SRPK1: variants seen among roughly 807,000 people sequenced by gnomAD.
The protein encoded by SRPK1 is SFRS protein kinase 1.
Under a neutral mutation model 89.5 loss-of-function variants are expected in SRPK1, and 52 were observed. That is an observed-to-expected ratio of 0.58 (90% CI 0.46 to 0.73). The LOEUF (loss-of-function observed/expected upper bound fraction) is 0.73, where lower values mean the gene tolerates loss of function less well. Ranked by LOEUF, SRPK1 falls within the 30% of genes least tolerant of loss-of-function variation. The pLI is 0.00. For missense variants in SRPK1, 603 were observed against 780.6 expected, an observed-to-expected ratio of 0.77 and a Z score of 2.71; for synonymous variants, 255 against 270.2, an observed-to-expected ratio of 0.94 and a Z score of 0.55.
intron 13 of SRPK1, among the ~76,000 whole-genome samples, chr6:35,843,407 T>C (rs896469755): frequency 6.6e-6 from 1 of 152,118 alleles, no homozygotes; most frequent in Admixed American, 6.6e-5. Context: ...AACTTTTGCA[T>C]AGGAAGTACT....
intron 1 of SRPK1, 27 bp downstream of exon 1, chr6:35,921,017 C>A (rs765238164): frequency 7.0e-5 from 108 of 1,540,668 alleles, no homozygotes; most frequent in Non-Finnish European, 8.6e-5. Context: ...CATTGCCCCT[C>A]GTGGCGGAGG....
chr6:35,905,264 C>A (rs1388076382), intron 2 of SRPK1, among the ~76,000 whole-genome samples: 2 of 152,202 alleles, frequency 1.3e-5, no homozygotes, highest in Non-Finnish European at 2.9e-5. Flanking sequence ...GTGGACCCAT[C>A]TTCTCACAGG....
intron 2 of SRPK1, among the ~76,000 whole-genome samples, chr6:35,896,814 G>A (rs971843524): frequency 6.6e-6 from 1 of 152,176 alleles, no homozygotes; most frequent in Non-Finnish European, 1.5e-5. Context: ...TAACCAAATA[G>A]TGGAAATAAT....
intron 15 of SRPK1, among the ~76,000 whole-genome samples, chr6:35,837,004 A>C (rs1769194760): frequency 6.6e-6 from 1 of 152,126 alleles, no homozygotes; most frequent in South Asian, 2.1e-4. Context: ...TTTTCTCAGC[A>C]CTTCTGTAGA....
Position 35,835,599 on chromosome 6 carries a change from G to C in SRPK1, c.1784-111C>G, listed in dbSNP as rs184017751. On this transcript the variant is annotated intron_variant, in intron 15 of 15. Transcript: ENST00000373825. Reference sequence around the variant, plus strand: ...TGTAGTCTATGAGGAATCAAATTTTGCAATCAGAATCTAATCCTTCATTCA... The same window carrying C: ...TGTAGTCTATGAGGAATCAAATTTTCCAATCAGAATCTAATCCTTCATTCA... 5.2e-6 allele frequency: 5 copies of C among 953,670 alleles called. No homozygotes were observed. In the African/African-American group the frequency reaches 8.3e-5, roughly 16 times the overall value. The allele number at this position is 953,670 out of a possible 1,614,324, so 59.1% of individuals were successfully genotyped here.
chr6:35,852,406 T>C lies in SRPK1; in HGVS notation c.1620+4855A>G, dbSNP rs181510482. ...CTGTTTTTTTGGTGTTTGTATTACC[T>C]CTGTTTAGCGGAACACTGGCAGCAA... On this transcript the variant is annotated intron_variant, in intron 13 of 15. Transcript: ENST00000373825. 1.5e-3 allele frequency among the ~76,000 whole-genome samples: 222 copies of C among 152,298 alleles called. 3 individuals are homozygous for C. The highest frequency in any genetic ancestry group is 5.0e-3 in the African/African-American group (206 of 41,558).
intron 6 of SRPK1, among the ~76,000 whole-genome samples, chr6:35,884,042 A>G (rs985123548): frequency 2.6e-5 from 4 of 152,064 alleles, no homozygotes; most frequent in East Asian, 1.9e-4. Flanking sequence ...CCACAAGGTT[A>G]TATTTTTAAA....
chr6:35,912,873 T>A (rs1457282599), intron 2 of SRPK1, among the ~76,000 whole-genome samples: 1 of 152,224 alleles, frequency 6.6e-6, no homozygotes, highest in East Asian at 1.9e-4. Context: ...AGCCTCTACC[T>A]CCTGGGCTCA....
intron 2 of SRPK1, among the ~76,000 whole-genome samples, chr6:35,897,039 G>A (rs542736922): frequency 6.6e-6 from 1 of 152,286 alleles, no homozygotes; most frequent in South Asian, 2.1e-4. Context: ...TAGATTAGCG[G>A]TTGCCAGGGT....
At position 35,835,320 on chromosome 6, in the gene SRPK1, G is replaced by A. The variant is rs753584809; in HGVS notation, c.1952C>T (p.Pro651Leu). 34 of 1,613,512 alleles carry A rather than the reference G, an allele frequency of 2.1e-5. No homozygotes were observed. Among genetic ancestry groups the A allele is most frequent in the Non-Finnish European group, 2.9e-5 (34 of 1,179,668 alleles). The change falls in exon 16 of 16, where the codon CCT becomes CTT. Residue 651 changes from proline to leucine, a missense_variant. Transcript: ENST00000373825. ...RATAAECLRHPWLNS is the reference protein window; with the variant it reads ...RATAAECLRHLWLNS Reference sequence around the variant, plus strand: ...GGCAGGGGCTTAGGAGTTAAGCCAAGGGTGCCGGAGACACTCGGCGGCAGT... The same window carrying A: ...GGCAGGGGCTTAGGAGTTAAGCCAAAGGTGCCGGAGACACTCGGCGGCAGT...
chr6:35,851,864 T>C (rs1769563433), intron 13 of SRPK1, among the ~76,000 whole-genome samples: 1 of 152,212 alleles, frequency 6.6e-6, no homozygotes, highest in East Asian at 1.9e-4. Flanking sequence ...TAAGTTCTCA[T>C]TAATTGGTAT....
At chr6:35,888,698 A>C in intron 4 of SRPK1, 117 bp downstream of exon 4, 1 of 700,834 alleles carries the variant, frequency 1.4e-6, no homozygotes, top group Non-Finnish European at 2.5e-6. Flanking sequence ...CAACAACAAA[A>C]TTCTGATAAA....
In SRPK1 at chr6:35,872,553, GAAAATACACCT is replaced by G. The variant is rs1770055236; in HGVS notation, c.750_751+9del. The stretch of plus-strand genomic sequence containing the variant: ...TCTAATGATAGCGAAGTCCCTAAAA[GAAAATACACCT>G]GCAGATCCGGAAGGCGGAGGAGCTC... On this transcript the variant is annotated splice_donor_variant and splice_donor_5th_base_variant and coding_sequence_variant and intron_variant, in exon 8 of 16. Transcript: ENST00000373825. LOFTEE classifies it high-confidence loss of function. 2 of 1,584,896 alleles carry G rather than the reference GAAAATACACCT, an allele frequency of 1.3e-6. No homozygotes were observed. Among genetic ancestry groups the G allele is most frequent in the Non-Finnish European group, 1.7e-6 (2 of 1,169,836 alleles).
chr6:35,913,382 G>C (rs952284237), intron 2 of SRPK1, among the ~76,000 whole-genome samples: 12 of 152,160 alleles, frequency 7.9e-5, no homozygotes, highest in African/African-American at 2.4e-4. Context: ...CCTTGAGGTA[G>C]GAGAATCACT....
At chr6:35,836,908 A>G (rs1461926447) in intron 15 of SRPK1, among the ~76,000 whole-genome samples, 1 of 152,132 alleles carries the variant, frequency 6.6e-6, no homozygotes, top group Non-Finnish European at 1.5e-5. Context: ...CTTATGAAAC[A>G]TTTTACAATT....
At chr6:35,898,940 C>T (rs1470509122) in intron 2 of SRPK1, among the ~76,000 whole-genome samples, 1 of 152,110 alleles carries the variant, frequency 6.6e-6, no homozygotes, top group Non-Finnish European at 1.5e-5. Context: ...ACAAGCGGAT[C>T]ACCTGAGGTC....
intron 7 of SRPK1, among the ~76,000 whole-genome samples, chr6:35,873,612 G>A (rs1582009646): frequency 6.9e-6 from 1 of 144,350 alleles, no homozygotes; most frequent in South Asian, 2.2e-4. Flanking sequence ...GCCTCAGCCT[G>A]CCGAGTAGCT....
chr6:35,912,523 TGCAA>T (rs1770992697), intron 2 of SRPK1, among the ~76,000 whole-genome samples: 1 of 152,224 alleles, frequency 6.6e-6, no homozygotes, highest in Admixed American at 6.5e-5. Context: ...TACAGTACAG[TGCAA>T]ACATAACTTT....
In SRPK1 at chr6:35,857,354, A is replaced by T. The variant is rs1304699906; in HGVS notation, c.1527T>A (p.Thr509=). The T allele has an allele frequency of 6.2e-7, 1 of 1,609,798 alleles. No homozygotes were observed. Among genetic ancestry groups the T allele is most frequent in the East Asian group, 2.2e-5 (1 of 44,820 alleles). ...GATATTGCCTTGTTTGAATATCTTC[A>T]GTGAAATGTTTGTGCTGAGAAAATG... ...GNACWVHKHF[T]EDIQTRQYRS... is the part of the protein sequence containing the mutation. Residue 509 remains threonine (T), a synonymous_variant, in exon 13 of 16, where the codon ACT becomes ACA. Coordinates refer to ENST00000373825, the MANE Select transcript of SRPK1 (RefSeq NM_003137.5).
Sources: gnomAD v4.1 joint callset for allele counts (sites outside exome capture counted in the v4.1 genomes callset) on GRCh38, gnomAD v4.1.1 for gene constraint, MANE v1.5 for transcripts, NCBI Gene and HGNC (gene_info 2026-07-23, HGNC 2026-07-21) for gene names.